Variants in HSD17B4 observed in about 807,000 individuals in gnomAD.
The protein encoded by HSD17B4 is peroxisomal multifunctional enzyme type 2.
HSD17B4 carries 70 observed loss-of-function variants against 101.0 expected under a neutral mutation model. The ratio of observed to expected loss-of-function variants is 0.69; its 90% CI spans 0.57 to 0.85. The LOEUF is 0.85. Among genes scored for constraint, HSD17B4 ranks in the 40% least tolerant of loss-of-function variants. The pLI, the probability that HSD17B4 is intolerant of heterozygous loss-of-function variation, is 0.00. For synonymous variants in HSD17B4, 347 were observed against 297.1 expected, an observed-to-expected ratio of 1.17 and a Z score of -1.73; for missense variants, 984 against 892.4, an observed-to-expected ratio of 1.10 and a Z score of -1.31.
chr5:119,506,151 T>A (rs1241470468), intron 14 of HSD17B4, among the ~76,000 whole-genome samples: 1 of 151,736 alleles, frequency 6.6e-6, no homozygotes, highest in Admixed American at 6.6e-5. Flanking sequence ...TTTCTCCTAA[T>A]GTTATCCCTC....
chr5:119,499,806 T>C (rs979621873), intron 13 of HSD17B4, among the ~76,000 whole-genome samples: 3 of 152,152 alleles, frequency 2.0e-5, no homozygotes, highest in Non-Finnish European at 4.4e-5. Context: ...TGTTATTCTC[T>C]CTCTGCCATT....
intron 17 of HSD17B4, among the ~76,000 whole-genome samples, chr5:119,519,208 TAGAC>T (rs755192885): frequency 7.2e-5 from 11 of 152,146 alleles, no homozygotes; most frequent in African/African-American, 9.7e-5. Flanking sequence ...TAATTATTAA[TAGAC>T]AGACAATTCC....
chr5:119,486,032 G>T (rs773892054), intron 8 of HSD17B4, among the ~76,000 whole-genome samples: 25 of 152,134 alleles, frequency 1.6e-4, no homozygotes, highest in Non-Finnish European at 2.8e-4. Context: ...GCTCATTTGT[G>T]CACATGGCAG....
chr5:119,492,156 A>G lies in HSD17B4; in HGVS notation c.739+32A>G, dbSNP rs761511308. The G allele has an allele frequency of 1.9e-6, 3 of 1,545,606 alleles. No homozygotes were observed. In the Admixed American group the frequency reaches 5.0e-5, roughly 26 times the overall value. ...CTCTCTCAGTTTTTGGTTTGTATAG[A>G]TTATTTCCTTATCTTTAAACCTACA... is the stretch of plus-strand genomic sequence containing the variant. On this transcript the variant is annotated intron_variant, in intron 10 of 23. Coordinates refer to ENST00000510025, the MANE Select transcript of HSD17B4 (RefSeq NM_000414.4).
At chr5:119,509,925 G>A (rs189990345) in intron 16 of HSD17B4, among the ~76,000 whole-genome samples, 1 of 152,104 alleles carries the variant, frequency 6.6e-6, no homozygotes, top group Non-Finnish European at 1.5e-5. Context: ...TAAGGGTTTT[G>A]GTTAACAGTA....
chr5:119,501,914 G>A (rs1033080470), intron 13 of HSD17B4, 127 bp from the exon 14 acceptor site: 33 of 684,390 alleles, frequency 4.8e-5, no homozygotes, highest in Middle Eastern at 2.5e-4. Context: ...GCCAAACAGA[G>A]ATAGATAACT....
At chr5:119,517,171 C>T (rs1190675335) in intron 17 of HSD17B4, among the ~76,000 whole-genome samples, 3 of 152,202 alleles carry the variant, frequency 2.0e-5, no homozygotes, top group Non-Finnish European at 2.9e-5. Flanking sequence ...TCTGGGTGGG[C>T]GTGGGCTTGG....
chr5:119,494,966 A>G (rs760575743), intron 11 of HSD17B4, among the ~76,000 whole-genome samples: 1 of 152,126 alleles, frequency 6.6e-6, no homozygotes, highest in Non-Finnish European at 1.5e-5. Context: ...ATTTTGTAGA[A>G]AAACTTTTTT....
intron 2 of HSD17B4, chr5:119,456,639 C>G: frequency 2.1e-6 from 1 of 468,194 alleles, no homozygotes; most frequent in South Asian, 2.1e-5. Context: ...TCCAGTGACT[C>G]AGGAGGCTGA....
intron 17 of HSD17B4, among the ~76,000 whole-genome samples, chr5:119,515,542 T>G (rs1271833155): frequency 2.0e-5 from 3 of 152,202 alleles, no homozygotes; most frequent in African/African-American, 7.2e-5. Flanking sequence ...TAATCTTTTT[T>G]GTTTGACATA....
chr5:119,518,093 C>G (rs1752800390), intron 17 of HSD17B4, among the ~76,000 whole-genome samples: 1 of 152,140 alleles, frequency 6.6e-6, no homozygotes, highest in Non-Finnish European at 1.5e-5. Context: ...CCAGCAGTGG[C>G]AACCCGCTCC....
chr5:119,455,811 G>A (rs1290358265), intron 1 of HSD17B4, among the ~76,000 whole-genome samples: 1 of 152,100 alleles, frequency 6.6e-6, no homozygotes, highest in Non-Finnish European at 1.5e-5. Context: ...ATACCTCTGA[G>A]GCTGTCATTG....
chr5:119,507,033 T>C, intron 15 of HSD17B4, 144 bp downstream of exon 15: 1 of 540,804 alleles, frequency 1.8e-6, no homozygotes, highest in Non-Finnish European at 3.3e-6. Flanking sequence ...TTTAAACTCT[T>C]TAAGAAAAAT....
At chr5:119,455,383 G>A (rs1486305949) in intron 1 of HSD17B4, among the ~76,000 whole-genome samples, 1 of 152,112 alleles carries the variant, frequency 6.6e-6, no homozygotes, top group Non-Finnish European at 1.5e-5. Context: ...TGGGCGTGGT[G>A]GCGGGCGCCT....
At chr5:119,494,325 T>C (rs372117742) in intron 11 of HSD17B4, among the ~76,000 whole-genome samples, 1,390 of 111,560 alleles carry the variant, frequency 0.012, 18 homozygotes, top group Non-Finnish European at 0.019. Context: ...TCTTTCTTTC[T>C]TTTCTTTCTT....
At position 119,475,814 on chromosome 5, in the gene HSD17B4, G is replaced by T. The variant is rs560645703; in HGVS notation, c.303-10G>T. ...TCCTCCTTTTACCCTATACAACATT[G>T]ATTTTTTAGAATTCTGAGGGATCGT... On this transcript the variant is annotated splice_polypyrimidine_tract_variant and intron_variant, in intron 5 of 23. Transcript: ENST00000510025. The T allele has an allele frequency of 6.3e-7, 1 of 1,599,358 alleles. No homozygotes were observed. Among genetic ancestry groups the T allele is most frequent in the Admixed American group, 1.7e-5 (1 of 59,902 alleles).
At chr5:119,489,400 A>T in intron 9 of HSD17B4, 117 bp downstream of exon 9, 1 of 732,716 alleles carries the variant, frequency 1.4e-6, no homozygotes, top group East Asian at 2.7e-5. Context: ...TGTTATAATT[A>T]AAAGTGTTGA....
At chr5:119,514,340 A>T (rs1357293067) in intron 16 of HSD17B4, among the ~76,000 whole-genome samples, 1 of 152,172 alleles carries the variant, frequency 6.6e-6, no homozygotes, top group Non-Finnish European at 1.5e-5. Context: ...GTTGTGGAAA[A>T]TTTACTTAAA....
At chr5:119,496,260 C>G (rs1392065258) in intron 11 of HSD17B4, among the ~76,000 whole-genome samples, 1 of 152,136 alleles carries the variant, frequency 6.6e-6, no homozygotes, top group Non-Finnish European at 1.5e-5. Flanking sequence ...AGCTTAAAGA[C>G]ATTGGAAAGC....
Sources: allele counts gnomAD v4.1 joint callset (sites outside exome capture counted in the v4.1 genomes callset), GRCh38; gene constraint gnomAD v4.1.1; transcripts MANE v1.5; gene names NCBI Gene and HGNC (gene_info 2026-07-23, HGNC 2026-07-21).